SENP6: variants seen among roughly 807,000 people sequenced by gnomAD.
SENP6 encodes sentrin-specific protease 6.
SENP6 carries 41 observed loss-of-function variants against 134.5 expected under a neutral mutation model. The ratio of observed to expected loss-of-function variants is 0.30; its 90% CI spans 0.24 to 0.40. The LOEUF (loss-of-function observed/expected upper bound fraction) is 0.40, where lower values mean the gene tolerates loss of function less well. Among genes scored for constraint, SENP6 ranks in the 10% least tolerant of loss-of-function variants. SENP6 has a pLI of 1.00. For synonymous variants in SENP6, 395 were observed against 429.8 expected, an observed-to-expected ratio of 0.92 and a Z score of 1.00; for missense variants, 1,248 against 1,312.5, an observed-to-expected ratio of 0.95 and a Z score of 0.76.
chr6:75,683,597 T>C (rs1773615397), intron 16 of SENP6, among the ~76,000 whole-genome samples: 1 of 152,194 alleles, frequency 6.6e-6, no homozygotes, highest in Non-Finnish European at 1.5e-5. Flanking sequence ...GGGGATCCAG[T>C]TTCAGCTTTC....
chr6:75,608,738 A>G, intron 1 of SENP6, among the ~76,000 whole-genome samples: 1 of 152,220 alleles, frequency 6.6e-6, no homozygotes, highest in Non-Finnish European at 1.5e-5. Flanking sequence ...GTTAAAAATA[A>G]TAATTGTAGT....
chr6:75,668,307 T>C (rs148617603), intron 10 of SENP6, among the ~76,000 whole-genome samples: 2 of 152,056 alleles, frequency 1.3e-5, no homozygotes, highest in Non-Finnish European at 2.9e-5. Flanking sequence ...ATGAATATAT[T>C]TGATTAAATG....
intron 19 of SENP6, among the ~76,000 whole-genome samples, chr6:75,704,212 T>C (rs1298499767): frequency 6.6e-6 from 1 of 152,112 alleles, no homozygotes; most frequent in East Asian, 1.9e-4. Context: ...ACTCAGCATA[T>C]CAAGGACCTG....
Position 75,656,291 on chromosome 6 carries a change from G to A in SENP6, c.551-2971G>A, listed in dbSNP as rs187145336. ...GTATCCTAATCTTCATGTTCCTACCGCAGGGTCTTTGGTAAATACTCTTTA... is the reference window on the plus strand; with the variant it reads ...GTATCCTAATCTTCATGTTCCTACCACAGGGTCTTTGGTAAATACTCTTTA... On this transcript the variant is annotated intron_variant, in intron 7 of 23. Coordinates refer to ENST00000447266, the MANE Select transcript of SENP6 (RefSeq NM_015571.4). Among the ~76,000 whole-genome samples, 6 of 150,844 alleles carry A rather than the reference G, an allele frequency of 4.0e-5. No individual in the cohort carries two copies. In the East Asian group the frequency reaches 5.8e-4, roughly 15 times the overall value.
At chr6:75,650,371 C>G (rs1475599315) in intron 7 of SENP6, among the ~76,000 whole-genome samples, 2 of 152,148 alleles carry the variant, frequency 1.3e-5, no homozygotes, top group African/African-American at 4.8e-5. Flanking sequence ...GAGATATACT[C>G]TGAAACTGTG....
chr6:75,684,450 GAGAGA>G (rs1438082313), intron 16 of SENP6, among the ~76,000 whole-genome samples: 4 of 152,188 alleles, frequency 2.6e-5, no homozygotes. Context: ...TAGGAGTGGT[GAGAGA>G]GGGCATCCTT....
At position 75,717,649 on chromosome 6, in the gene SENP6, T is replaced by G. The variant is rs1282880886; in HGVS notation, c.*2055T>G. 1 of 152,198 alleles carries G rather than the reference T, an allele frequency of 6.6e-6. No homozygotes were observed. Among genetic ancestry groups the G allele is most frequent in the Admixed American group, 6.5e-5 (1 of 15,284 alleles). The allele number at this position is 152,198 out of a possible 1,614,324, so 9.4% of individuals were successfully genotyped here. The stretch of plus-strand genomic sequence containing the variant: ...ATCTTTCGTGTATATGCACATTCAC[T>G]TGATAATTGTGTATTCTATGTAGTT... On this transcript the variant is annotated 3_prime_UTR_variant, in exon 24 of 24. Transcript: ENST00000447266.
At chr6:75,618,162 C>A (rs868673362) in intron 1 of SENP6, among the ~76,000 whole-genome samples, 1 of 152,154 alleles carries the variant, frequency 6.6e-6, no homozygotes, top group Non-Finnish European at 1.5e-5. Context: ...AGCCCATACT[C>A]AAGGGAAGGA....
chr6:75,715,391 A>T lies in SENP6; in HGVS notation c.3136A>T (p.Ile1046Phe). Reference protein sequence around the residue: ...QYVESFFENPILSFELPMNLA... With the variant: ...QYVESFFENPFLSFELPMNLA... ...CATTTAATTGTATTTTCAGAATCCAATTCTCAGTTTTGAACTACCTATGAA... is the reference window on the plus strand; with the variant it reads ...CATTTAATTGTATTTTCAGAATCCATTTCTCAGTTTTGAACTACCTATGAA... Residue 1046 changes from isoleucine to phenylalanine, a missense_variant, in exon 24 of 24, where the codon ATT becomes TTT. Around this residue, in one of 3 missense-constraint regions of SENP6, gnomAD observed 386 missense variants for 395.0 expected, o/e 0.98. Coordinates refer to ENST00000447266, the MANE Select transcript of SENP6 (RefSeq NM_015571.4). 1 of 1,604,488 alleles carries T rather than the reference A, an allele frequency of 6.2e-7. No homozygotes were observed. The highest frequency in any genetic ancestry group is 8.5e-7 in the Non-Finnish European group (1 of 1,174,484).
chr6:75,694,369 C>T (rs2149893761), intron 16 of SENP6, among the ~76,000 whole-genome samples: 1 of 152,330 alleles, frequency 6.6e-6, no homozygotes, highest in South Asian at 2.1e-4. Context: ...AAATACTATG[C>T]TGCTGGATCT....
chr6:75,694,728 T>C (rs939726649), intron 16 of SENP6, among the ~76,000 whole-genome samples: 3 of 152,220 alleles, frequency 2.0e-5, no homozygotes, highest in Non-Finnish European at 2.9e-5. Flanking sequence ...TCATTTCTAT[T>C]TCAGATATTT....
At chr6:75,690,718 G>A (rs532938196) in intron 16 of SENP6, among the ~76,000 whole-genome samples, 10 of 145,700 alleles carry the variant, frequency 6.9e-5, no homozygotes, top group Non-Finnish European at 1.3e-4. Context: ...TTTGAGATGA[G>A]AGTCTCGCTC....
chr6:75,615,376 C>T (rs931746177), intron 1 of SENP6, among the ~76,000 whole-genome samples: 84 of 151,822 alleles, frequency 5.5e-4, no homozygotes, highest in African/African-American at 1.7e-3. Context: ...GACGGGGTTT[C>T]GCAGCATTGG....
intron 1 of SENP6, among the ~76,000 whole-genome samples, chr6:75,609,215 A>C (rs1185892609): frequency 3.3e-5 from 5 of 152,170 alleles, no homozygotes; most frequent in Non-Finnish European, 2.9e-5. Context: ...CCGCTTCCTC[A>C]TCACTTTGCT....
intron 5 of SENP6, among the ~76,000 whole-genome samples, chr6:75,635,789 G>A (rs1769467383): frequency 6.6e-6 from 1 of 152,058 alleles, no homozygotes; most frequent in African/African-American, 2.4e-5. Context: ...ACAATAAAAG[G>A]AGAGTAATTA....
chr6:75,712,102 G>GAGT (rs199947145), intron 21 of SENP6, among the ~76,000 whole-genome samples: 2,411 of 152,258 alleles, frequency 0.016, 65 homozygotes, highest in African/African-American at 0.056. Flanking sequence ...GAAGGCTGTG[G>GAGT]AGTAACCCAA....
rs746197103 is a variant in SENP6, at chr6:75,623,931, G to C, written c.178G>C (p.Glu60Gln). 19 of 1,609,462 alleles carry C rather than the reference G, an allele frequency of 1.2e-5. No homozygotes were observed. Among genetic ancestry groups the C allele is most frequent in the Non-Finnish European group, 1.6e-5 (19 of 1,177,538 alleles). Residue 60 changes from glutamate to glutamine, a missense_variant, in exon 3 of 24, where the codon GAG (glutamate) becomes CAG (glutamine). Around this residue, in one of 3 missense-constraint regions of SENP6, gnomAD observed 733 missense variants for 725.4 expected, o/e 1.01. Transcript: ENST00000447266. ...AAATCTGCTCAGTGTGGATGAAGAT[G>C]AGGATTCTGAAACCTCAAAAGGAAA... ...GTNLLSVDEDEDSETSKGKKL... is the reference protein window; with the variant it reads ...GTNLLSVDEDQDSETSKGKKL...
chr6:75,611,778 A>G (rs959485672), intron 1 of SENP6: 6 of 152,190 alleles, frequency 3.9e-5, no homozygotes, highest in Admixed American at 2.0e-4. Context: ...TTTTCATTCC[A>G]TAGAAAGTTA....
chr6:75,644,120 C>A (rs1241500233), intron 6 of SENP6: 2 of 150,990 alleles, frequency 1.3e-5, no homozygotes, highest in Admixed American at 6.6e-5. Context: ...AAAATTGGAA[C>A]AATAGAGAGA....
Sources: gnomAD v4.1 joint callset for allele counts (sites outside exome capture counted in the v4.1 genomes callset) on GRCh38, gnomAD v4.1.1 for gene constraint, gnomAD v4.1.1 regional missense constraint, MANE v1.5 for transcripts, NCBI Gene and HGNC (gene_info 2026-07-23, HGNC 2026-07-21) for gene names.